DLGAP2: variants seen among roughly 807,000 people sequenced by gnomAD.
The protein encoded by DLGAP2 is DLG associated protein 2, also known as disks large-associated protein 2.
In DLGAP2, 26 loss-of-function variants were observed where a neutral mutation model predicts 100.3. That is an observed-to-expected ratio of 0.26 (90% CI 0.19 to 0.36). The LOEUF (loss-of-function observed/expected upper bound fraction) is 0.36, where lower values mean the gene tolerates loss of function less well. Among genes scored for constraint, DLGAP2 ranks in the 10% least tolerant of loss-of-function variants. DLGAP2 has a pLI of 1.00. For missense variants in DLGAP2, 1,858 were observed against 1,453.2 expected (o/e 1.28, Z -4.53); for synonymous variants, 886 against 630.1 (o/e 1.41, Z -6.08).
chr8:944,261 G>T (rs1415371475), intron 2 of DLGAP2, among the ~76,000 whole-genome samples: 2 of 151,926 alleles, frequency 1.3e-5, no homozygotes, highest in Non-Finnish European at 2.9e-5. Flanking sequence ...ATTGATCCTT[G>T]TGGGTGATCC....
chr8:1,148,916 C>A (rs770020547), intron 2 of DLGAP2, among the ~76,000 whole-genome samples: 9 of 152,122 alleles, frequency 5.9e-5, no homozygotes, highest in Admixed American at 3.9e-4. Context: ...CTTCAGTGGT[C>A]TCTATGTATC....
At chr8:1,382,105 A>T (rs2129769897) in intron 3 of DLGAP2, among the ~76,000 whole-genome samples, 1 of 152,334 alleles carries the variant, frequency 6.6e-6, no homozygotes, top group African/African-American at 2.4e-5. Context: ...TTTACTGCTG[A>T]TAGCCTCCTG....
intron 2 of DLGAP2, among the ~76,000 whole-genome samples, chr8:1,086,446 A>G (rs1803977340): frequency 6.6e-6 from 1 of 152,140 alleles, no homozygotes; most frequent in Non-Finnish European, 1.5e-5. Context: ...TTCTATATCT[A>G]ATTTGTTTCT....
intron 1 of DLGAP2, among the ~76,000 whole-genome samples, chr8:767,576 C>T (rs1358668457): frequency 5.9e-5 from 9 of 152,142 alleles, no homozygotes; most frequent in African/African-American, 1.7e-4. Context: ...AGGCTGGTCT[C>T]GAACTCCTGA....
chr8:837,831 C>T (rs1257312899), intron 1 of DLGAP2, among the ~76,000 whole-genome samples: 3 of 150,620 alleles, frequency 2.0e-5, no homozygotes, highest in African/African-American at 7.3e-5. Context: ...ATTCTCCTGC[C>T]TCATCCTCCT....
intron 2 of DLGAP2, among the ~76,000 whole-genome samples, chr8:1,063,109 G>C (rs558251296): frequency 2.0e-4 from 31 of 152,318 alleles, no homozygotes; most frequent in Admixed American, 1.4e-3. Flanking sequence ...GTGAAAGATT[G>C]GGTGCCTCTT....
chr8:1,172,898 G>A (rs184539968), intron 2 of DLGAP2, among the ~76,000 whole-genome samples: 51 of 152,220 alleles, frequency 3.4e-4, no homozygotes, highest in East Asian at 2.7e-3. Flanking sequence ...GTCATTCTCC[G>A]TCCAGCTTTG....
At chr8:1,409,630 T>A (rs746333054) in intron 3 of DLGAP2, among the ~76,000 whole-genome samples, 2 of 152,174 alleles carry the variant, frequency 1.3e-5, no homozygotes, top group Non-Finnish European at 2.9e-5. Context: ...ATTTTCCAGA[T>A]GTGTCTGTGG....
At chr8:1,143,808 C>T (rs1225521049) in intron 2 of DLGAP2, among the ~76,000 whole-genome samples, 3 of 152,242 alleles carry the variant, frequency 2.0e-5, no homozygotes, top group Non-Finnish European at 4.4e-5. Context: ...GCTTTCCCTT[C>T]TGTGCAGTGC....
chr8:1,594,631 C>G (rs1252801667), intron 6 of DLGAP2, among the ~76,000 whole-genome samples: 1 of 152,062 alleles, frequency 6.6e-6, no homozygotes, highest in Admixed American at 6.6e-5. Flanking sequence ...ACCATGTTGG[C>G]CAGGCTGATC....
chr8:1,352,487 C>T (rs999244932), intron 3 of DLGAP2, among the ~76,000 whole-genome samples: 5 of 152,190 alleles, frequency 3.3e-5, no homozygotes, highest in African/African-American at 9.6e-5. Context: ...CCTAAAAACT[C>T]TTCCCACCCC....
chr8:1,449,100 C>G (rs1014850502), intron 3 of DLGAP2, among the ~76,000 whole-genome samples: 3 of 152,160 alleles, frequency 2.0e-5, no homozygotes, highest in African/African-American at 7.2e-5. Context: ...GCCTGTCATC[C>G]CGGCCTAATG....
chr8:851,778 C>A (rs1797186460), intron 1 of DLGAP2, among the ~76,000 whole-genome samples: 1 of 152,226 alleles, frequency 6.6e-6, no homozygotes, highest in African/African-American at 2.4e-5. Context: ...ACGTGCCCCG[C>A]AGCCTGCTAG....
chr8:1,144,929 A>G (rs988100505), intron 2 of DLGAP2, among the ~76,000 whole-genome samples: 6 of 151,440 alleles, frequency 4.0e-5, no homozygotes, highest in Admixed American at 1.3e-4. Flanking sequence ...CCCACAGTCA[A>G]ACCGCAGACG....
At chr8:1,424,640 G>A (rs1004968499) in intron 3 of DLGAP2, among the ~76,000 whole-genome samples, 6 of 151,928 alleles carry the variant, frequency 3.9e-5, no homozygotes, top group African/African-American at 9.7e-5. Flanking sequence ...ACAGAAGGCC[G>A]GATAGGACAA....
chr8:1,565,299 G>C (rs936207470), intron 5 of DLGAP2, among the ~76,000 whole-genome samples: 1 of 52,434 alleles, frequency 1.9e-5, no homozygotes, highest in African/African-American at 8.0e-5. Flanking sequence ...TTTCTCCCTT[G>C]TTTTCTTTTT....
At chr8:1,637,735 G>A (rs972000940) in intron 8 of DLGAP2, among the ~76,000 whole-genome samples, 2 of 152,230 alleles carry the variant, frequency 1.3e-5, no homozygotes. Flanking sequence ...TCTGAATCCA[G>A]AAGCACTGAA....
chr8:1,022,810 C>T (rs1372812229), intron 2 of DLGAP2, among the ~76,000 whole-genome samples: 7 of 152,120 alleles, frequency 4.6e-5, no homozygotes, highest in Non-Finnish European at 1.0e-4. Flanking sequence ...GCCACCCATC[C>T]CCCCCGGGAG....
In DLGAP2 at chr8:1,258,874, G is replaced by C; in HGVS notation, c.97G>C (p.Glu33Gln). The part of the protein sequence containing the change: ...NTESQCTLCG[E>Q]PEEEEAGDLV... ...AGAGTCGCAGTGCACGCTCTGCGGGGAGCCGGAAGGTGAGTACCTGACATG... is the reference window on the plus strand; with the variant it reads ...AGAGTCGCAGTGCACGCTCTGCGGGCAGCCGGAAGGTGAGTACCTGACATG... The change falls in exon 3 of 15, where the codon GAG becomes CAG. Residue 33 changes from glutamate (E) to glutamine (Q), a missense_variant. By Grantham distance (29) the Glu-to-Gln change is conservative. Coordinates refer to ENST00000637795, the MANE Select transcript of DLGAP2 (RefSeq NM_001346810.2). 1 of 1,231,814 alleles carries C rather than the reference G, an allele frequency of 8.1e-7. No individual in the cohort carries two copies. The highest frequency in any genetic ancestry group is 1.0e-6 in the Non-Finnish European group (1 of 988,016). The allele number at this position is 1,231,814 out of a possible 1,614,324, so 76.3% of individuals were successfully genotyped here.
Sources: allele counts gnomAD v4.1 joint callset (sites outside exome capture counted in the v4.1 genomes callset), GRCh38; gene constraint gnomAD v4.1.1; transcripts MANE v1.5; gene names NCBI Gene and HGNC (gene_info 2026-07-23, HGNC 2026-07-21).